The following MICAL2 variants were observed in gnomAD, a reference collection of about 807,000 sequenced individuals.
MICAL2 encodes [F-actin]-monooxygenase MICAL2.
A neutral mutation model predicts 127.3 loss-of-function variants in MICAL2; 77 were observed. The observed-to-expected ratio is 0.60, with a 90% CI of 0.50 to 0.73. The LOEUF (loss-of-function observed/expected upper bound fraction) is 0.73. MICAL2 is among the 30% of genes least tolerant of loss of function. The probability of loss-of-function intolerance (pLI) is 0.00; values close to 1 mark genes in which losing one functional copy is unlikely to be tolerated. For missense variants in MICAL2, 1,351 were observed against 1,434.4 expected (o/e 0.94, Z 0.94); for synonymous variants, 570 against 551.1 (o/e 1.03, Z -0.48).
At chr11:12,341,390 T>C (rs112242049) in intron 32 of MICAL2, among the ~76,000 whole-genome samples, 1 of 152,050 alleles carries the variant, frequency 6.6e-6, no homozygotes, top group African/African-American at 2.4e-5. Context: ...AAGACCCAAC[T>C]TGGATAAAAA....
chr11:12,179,002 G>A (rs1339822453), intron 3 of MICAL2, among the ~76,000 whole-genome samples: 1 of 152,130 alleles, frequency 6.6e-6, no homozygotes, highest in East Asian at 1.9e-4. Flanking sequence ...GATCACACCT[G>A]CCAGCCTCTG....
intron 1 of MICAL2, among the ~76,000 whole-genome samples, chr11:12,278,319 C>T (rs962667484): frequency 6.6e-6 from 1 of 152,204 alleles, no homozygotes; most frequent in Admixed American, 6.5e-5. Context: ...TTTCTTTATA[C>T]CCTTATTCTA....
intron 8 of MICAL2, among the ~76,000 whole-genome samples, chr11:12,217,612 A>C (rs940737213): frequency 6.6e-6 from 1 of 151,724 alleles, no homozygotes; most frequent in African/African-American, 2.4e-5. Context: ...TGCAGAGGAG[A>C]GGTTAGGCAG....
At chr11:12,222,561 A>T (rs1856948247) in intron 10 of MICAL2, 56 bp from the exon 11 acceptor site, 2 of 1,611,030 alleles carry the variant, frequency 1.2e-6, no homozygotes. Context: ...AAGGGTGGGG[A>T]CAAGGCCTGA....
chr11:12,255,867 C>A (rs1347580166), intron 23 of MICAL2, 117 bp downstream of exon 23: 10 of 728,160 alleles, frequency 1.4e-5, no homozygotes, highest in South Asian at 1.1e-4. Context: ...TCTCTTGGAA[C>A]AAGAGGGGGC....
At chr11:12,200,395 A>G (rs1860549963) in intron 3 of MICAL2, among the ~76,000 whole-genome samples, 2 of 152,212 alleles carry the variant, frequency 1.3e-5, no homozygotes, top group Non-Finnish European at 2.9e-5. Flanking sequence ...GACCACATCC[A>G]GCATCCAGAG....
intron 26 of MICAL2, 163 bp from the exon 27 acceptor site, chr11:12,262,317 T>A: frequency 1.6e-5 from 24 of 1,478,186 alleles, no homozygotes; most frequent in Non-Finnish European, 2.1e-5. Context: ...TCATCTCTCC[T>A]AAGCAAACAG....
In MICAL2 at chr11:12,327,196, G is replaced by A. The variant is rs962546639; in HGVS notation, c.5445G>A (p.Glu1815=). Reference sequence around the variant, plus strand: ...AGGCCATCCAGAGGCAGCTGGAGGAGGTGGAGGAGCGGCAGAGGGCTTCTG... The same window carrying A: ...AGGCCATCCAGAGGCAGCTGGAGGAAGTGGAGGAGCGGCAGAGGGCTTCTG... The change falls in exon 32 of 35, where the codon GAG becomes GAA. Residue 1815 remains glutamate, a synonymous_variant. Coordinates refer to the MICAL2 transcript ENST00000646065. 2.6e-6 allele frequency: 4 copies of A among 1,551,718 alleles called. No homozygotes were observed. In the African/African-American group the frequency reaches 5.5e-5, roughly 21 times the overall value.
intron 1 of MICAL2, among the ~76,000 whole-genome samples, chr11:12,113,136 A>G (rs150004963): frequency 6.6e-6 from 1 of 152,322 alleles, no homozygotes; most frequent in African/African-American, 2.4e-5. Flanking sequence ...GTCAGAGAAG[A>G]GAATACTGTT....
At position 12,204,196 on chromosome 11, in the gene MICAL2, G is replaced by A. The variant is rs115010958; in HGVS notation, c.265-54G>A. 3,810 of 1,547,642 alleles carry A rather than the reference G, an allele frequency of 2.5e-3. 64 individuals are homozygous for A. The African/African-American group carries it at 0.036, about 14-fold the overall frequency. On this transcript the variant is annotated intron_variant, in intron 3 of 27. Transcript: ENST00000683283. ...CAGTTTTCCTGCTGACTGGGGGTTC[G>A]TGTCTGTGATGCTAGAGGTTACCAA...
chr11:12,352,127 A>C (rs976894308), intron 33 of MICAL2, among the ~76,000 whole-genome samples: 13 of 151,940 alleles, frequency 8.6e-5, no homozygotes, highest in African/African-American at 2.9e-4. Context: ...ACTGAGATTC[A>C]GGGCAACTAA....
chr11:12,337,902 G>A (rs1938794798), intron 32 of MICAL2, among the ~76,000 whole-genome samples: 1 of 152,274 alleles, frequency 6.6e-6, no homozygotes, highest in South Asian at 2.1e-4. Flanking sequence ...AATAGGTGTG[G>A]TGTGGTGCTG....
At position 12,236,041 on chromosome 11, in the gene MICAL2, T is replaced by G. The variant is rs1259489903; in HGVS notation, c.1996-136T>G. 4 of 723,626 alleles carry G rather than the reference T, an allele frequency of 5.5e-6. No individual in the cohort carries two copies. In the Admixed American group the frequency reaches 6.3e-5, roughly 11 times the overall value. The allele number at this position is 723,626 out of a possible 1,614,324, so 44.8% of individuals were successfully genotyped here. A position where few individuals can be genotyped will look rare whatever the true frequency, so the allele number is the denominator to read the frequency against. ...AGTCATTTACTACCACTCCTGCCTG[T>G]AGGCTGACAGCTGTTTGTGGGCAGG... On this transcript the variant is annotated intron_variant, in intron 15 of 27. Coordinates refer to ENST00000683283, the MANE Select transcript of MICAL2 (RefSeq NM_001282663.2).
chr11:12,255,864 G>T, intron 23 of MICAL2, 114 bp downstream of exon 23: 1 of 743,912 alleles, frequency 1.3e-6, no homozygotes, highest in Non-Finnish European at 2.3e-6. Context: ...TCTTCTCTTG[G>T]AACAAGAGGG....
chr11:12,265,828 C>T (rs1393361324), downstream of MICAL2, among the ~76,000 whole-genome samples: 2 of 152,068 alleles, frequency 1.3e-5, no homozygotes, highest in Admixed American at 6.5e-5. Context: ...AATTATGGTG[C>T]ACATGGGCCA....
chr11:12,209,959 G>A (rs1296734725), intron 6 of MICAL2, among the ~76,000 whole-genome samples: 2 of 152,166 alleles, frequency 1.3e-5, no homozygotes, highest in African/African-American at 4.8e-5. Context: ...GCACCTCCTG[G>A]TGTGTGAGCC....
At chr11:12,144,516 G>A (rs1852689754) in intron 2 of MICAL2, among the ~76,000 whole-genome samples, 1 of 152,122 alleles carries the variant, frequency 6.6e-6, no homozygotes, top group Non-Finnish European at 1.5e-5. Context: ...CAGGAATGTG[G>A]CCTCTGAGTG....
At chr11:12,294,756 A>G (rs1367025783), downstream of MICAL2, 1 of 1,612,678 alleles carries the variant, frequency 6.2e-7, no homozygotes, top group Admixed American at 1.7e-5. Flanking sequence ...GCCCTGGAGA[A>G]GCTGCTGCAG....
intron 2 of MICAL2, among the ~76,000 whole-genome samples, chr11:12,160,459 G>A (rs749826525): frequency 6.6e-5 from 10 of 152,022 alleles, no homozygotes; most frequent in Non-Finnish European, 4.4e-5. Flanking sequence ...GGCCTGGAGG[G>A]GACACCTGCC....
Sources: allele counts gnomAD v4.1 joint callset (sites outside exome capture counted in the v4.1 genomes callset), GRCh38; gene constraint gnomAD v4.1.1; transcripts MANE v1.5; gene names NCBI Gene and HGNC (gene_info 2026-07-23, HGNC 2026-07-21).